The following SRPX variants were observed in gnomAD, a reference collection of about 807,000 sequenced individuals.
SRPX encodes the protein sushi repeat containing protein X-linked.
SRPX carries 24 observed loss-of-function variants against 38.1 expected under a neutral mutation model. The observed-to-expected ratio is 0.63, with a 90% CI of 0.46 to 0.89. SRPX has a LOEUF of 0.89. Among genes scored for constraint, SRPX ranks in the 40% least tolerant of loss-of-function variants. SRPX has a pLI of 0.00. For synonymous variants in SRPX, 184 were observed against 153.8 expected, an observed-to-expected ratio of 1.20 and a Z score of -1.45; for missense variants, 416 against 377.8, an observed-to-expected ratio of 1.10 and a Z score of -0.84.
intron 1 of SRPX, among the ~76,000 whole-genome samples, chrX:38,219,580 A>G (rs138771093): frequency 0.017 from 1,679 of 98,225 alleles, 15 homozygotes; most frequent in Non-Finnish European, 0.027. Context: ...TTAATTTACA[A>G]ATTTGTTCTA....
intron 1 of SRPX, 86 bp downstream of exon 1, chrX:38,220,610 C>G: frequency 9.8e-6 from 11 of 1,122,937 alleles, no homozygotes; most frequent in Non-Finnish European, 1.3e-5. Context: ...CCCGGCACCT[C>G]CCTCTATCCC....
In SRPX at chrX:38,160,913, C is replaced by G. The variant is rs771705526; in HGVS notation, c.775+20G>C. ...CTTCTAAAGAGAGGGGGAAACAAAA[C>G]CAATAAGCAGTACTCTTACCTCTTA... On this transcript the variant is annotated intron_variant, in intron 6 of 9. Coordinates refer to ENST00000378533, the MANE Select transcript of SRPX (RefSeq NM_006307.5). The G allele has an allele frequency of 3.3e-6, 4 of 1,205,204 alleles. No individual in the cohort carries two copies. In the South Asian group the frequency reaches 5.4e-5, roughly 16 times the overall value.
intron 2 of SRPX, among the ~76,000 whole-genome samples, chrX:38,174,794 T>C (rs1190534996): frequency 8.9e-6 from 1 of 112,292 alleles, no homozygotes; most frequent in Non-Finnish European, 1.9e-5. Context: ...ACTGATGTCA[T>C]ACATAGCGGT....
chrX:38,178,946 CTTTTT>C (rs58878251), intron 1 of SRPX, among the ~76,000 whole-genome samples: 1 of 81,055 alleles, frequency 1.2e-5, no homozygotes. Flanking sequence ...AGTAAAATTT[CTTTTT>C]TTTTTTTTTT....
chrX:38,165,552 C>T (rs918064819), intron 4 of SRPX, among the ~76,000 whole-genome samples: 3 of 111,592 alleles, frequency 2.7e-5, no homozygotes, highest in Admixed American at 1.9e-4. Flanking sequence ...GTAGAGGAGC[C>T]GCCCAACTCT....
rs111951180 is a variant in SRPX at position 38,163,739 on chromosome X, G to A, written c.653+1030C>T. On this transcript the variant is annotated intron_variant, in intron 5 of 9. Coordinates refer to ENST00000378533, the MANE Select transcript of SRPX (RefSeq NM_006307.5). ...TGGGGTAGAGGTGGGGAAGAAAGCA[G>A]AAGATACCTTCTCTTTTTTTAAATA... 2.5e-3 allele frequency among the ~76,000 whole-genome samples: 281 copies of A among 112,747 alleles called. 1 individual carries two copies. Among genetic ancestry groups the A allele is most frequent in the African/African-American group, 8.4e-3 (261 of 31,089 alleles).
chrX:38,169,521 ATATATT>A (rs1938428345), intron 4 of SRPX, among the ~76,000 whole-genome samples: 2 of 112,449 alleles, frequency 1.8e-5, no homozygotes, highest in South Asian at 7.3e-4. Context: ...AAAAAATAAA[ATATATT>A]TATTTAAAAA....
intron 2 of SRPX, among the ~76,000 whole-genome samples, chrX:38,177,548 AT>A (rs5902179): frequency 0.44 from 42,812 of 96,511 alleles, 7,583 homozygotes; most frequent in Admixed American, 0.56. Flanking sequence ...TTTGTTAACC[AT>A]TTTTTTTTTT....
chrX:38,201,916 A>C (rs1235666852), intron 1 of SRPX, among the ~76,000 whole-genome samples: 2 of 111,908 alleles, frequency 1.8e-5, no homozygotes, highest in Non-Finnish European at 3.8e-5. Context: ...AGAAGTAGAC[A>C]CTGGGTACAG....
rs1401627899 is a variant in SRPX at position 38,149,475 on chromosome X, C to G, written c.*236G>C. Reference sequence around the variant, plus strand: ...GTTCTAATTTCTCTACAAAATCAAGCAGCCATGATGGAGTAAAGAAAGTTA... The same window carrying G: ...GTTCTAATTTCTCTACAAAATCAAGGAGCCATGATGGAGTAAAGAAAGTTA... On this transcript the variant is annotated 3_prime_UTR_variant, in exon 10 of 10. Transcript: ENST00000378533. 1.0e-5 allele frequency: 3 copies of G among 299,162 alleles called. No homozygotes were observed. The highest frequency in any genetic ancestry group is 1.7e-5 in the Non-Finnish European group (3 of 174,582). The allele number at this position is 299,162 out of a possible 1,213,427, so 24.7% of individuals were successfully genotyped here. A position where few individuals can be genotyped will look rare whatever the true frequency, so the allele number is the denominator to read the frequency against.
At chrX:38,157,680 T>G (rs1287674353) in intron 7 of SRPX, among the ~76,000 whole-genome samples, 1 of 112,332 alleles carries the variant, frequency 8.9e-6, no homozygotes, top group African/African-American at 3.2e-5. Context: ...TTCCAGGGAC[T>G]AGGATGTGGA....
At chrX:38,156,331 C>G (rs927061412) in intron 8 of SRPX, among the ~76,000 whole-genome samples, 8 of 111,467 alleles carry the variant, frequency 7.2e-5, no homozygotes, top group Admixed American at 5.7e-4. Context: ...GAAAAGTGAC[C>G]CTCAAACTTT....
chrX:38,218,918 C>G (rs1009879110), intron 1 of SRPX, among the ~76,000 whole-genome samples: 2 of 111,322 alleles, frequency 1.8e-5, no homozygotes, highest in Non-Finnish European at 3.8e-5. Flanking sequence ...GTTTATCAAG[C>G]AGCTCCAATC....
Position 38,192,490 on chromosome X carries a change from C to T in SRPX, c.98-14146G>A, listed in dbSNP as rs369463883. Among the ~76,000 whole-genome samples the T allele has an allele frequency of 4.5e-5, 5 of 111,970 alleles. No homozygotes were observed. In the East Asian group the frequency reaches 8.4e-4, roughly 19 times the overall value. On this transcript the variant is annotated intron_variant, in intron 1 of 9. Coordinates refer to ENST00000378533, the MANE Select transcript of SRPX (RefSeq NM_006307.5). ...CAATCATCCTGCTACTTTTCAGTCT[C>T]GAGCTGCTGACCCAGACAGAGTTTA...
intron 9 of SRPX, among the ~76,000 whole-genome samples, chrX:38,152,404 G>T (rs903018416): frequency 8.9e-6 from 1 of 112,182 alleles, no homozygotes; most frequent in African/African-American, 3.2e-5. Flanking sequence ...AAACTGTAAA[G>T]GCTTTGGTAA....
Position 38,151,660 on chromosome X carries a change from G to A in SRPX, c.1212-1766C>T, listed in dbSNP as rs762533277. On this transcript the variant is annotated intron_variant, in intron 9 of 9. Transcript: ENST00000378533. The stretch of plus-strand genomic sequence containing the variant: ...GATCAGCAGGCTAGCAGCAGCCACA[G>A]GAATGCATCCCACTAGGGCCGAAAG... Among the ~76,000 whole-genome samples the A allele has an allele frequency of 2.7e-5, 3 of 111,321 alleles. No homozygotes were observed. The East Asian group carries it at 8.5e-4, about 31-fold the overall frequency.
chrX:38,190,953 T>TA (rs1263242123), intron 1 of SRPX, among the ~76,000 whole-genome samples: 1 of 111,590 alleles, frequency 9.0e-6, no homozygotes, highest in Admixed American at 9.5e-5. Flanking sequence ...TCTCTGGTGG[T>TA]AAAATGAGGA....
At chrX:38,163,846 C>T (rs1371279708) in intron 5 of SRPX, among the ~76,000 whole-genome samples, 2 of 111,441 alleles carry the variant, frequency 1.8e-5, no homozygotes, top group African/African-American at 6.5e-5. Context: ...AGCCAAAAAA[C>T]AAGGGGTGAA....
chrX:38,186,238 T>C (rs1938783085), intron 1 of SRPX, among the ~76,000 whole-genome samples: 1 of 110,675 alleles, frequency 9.0e-6, no homozygotes, highest in Non-Finnish European at 1.9e-5. Context: ...GAGTGGCCCA[T>C]GTGTTGAGGG....
Sources: allele counts gnomAD v4.1 joint callset (sites outside exome capture counted in the v4.1 genomes callset), GRCh38; gene constraint gnomAD v4.1.1; transcripts MANE v1.5; gene names NCBI Gene and HGNC (gene_info 2026-07-23, HGNC 2026-07-21).